DAGLA: variants seen among roughly 807,000 people sequenced by gnomAD.
DAGLA encodes the protein diacylglycerol lipase alpha, also known as diacylglycerol lipase-alpha.
DAGLA carries 22 observed loss-of-function variants against 102.6 expected under a neutral mutation model. The observed-to-expected ratio is 0.21, with a 90% CI of 0.15 to 0.31. DAGLA has a LOEUF of 0.31. Among genes scored for constraint, DAGLA ranks in the 10% least tolerant of loss-of-function variants. The probability of loss-of-function intolerance (pLI) is 1.00; values close to 1 mark genes in which losing one functional copy is unlikely to be tolerated. For synonymous variants in DAGLA, 578 were observed against 628.9 expected (o/e 0.92, Z 1.21); for missense variants, 927 against 1,446.6 (o/e 0.64, Z 5.83).
intron 5 of DAGLA, 31 bp downstream of exon 5, chr11:61,723,603 G>C (rs2065302356): frequency 6.2e-7 from 1 of 1,604,888 alleles, no homozygotes; most frequent in Non-Finnish European, 8.5e-7. Context: ...GGCAGTCCCA[G>C]GGTGGGCTTT....
At chr11:61,723,299 G>A in intron 4 of DAGLA, 135 bp from the exon 5 acceptor site, 1 of 1,269,272 alleles carries the variant, frequency 7.9e-7, no homozygotes, top group South Asian at 1.4e-5. Context: ...ACTGGGACCA[G>A]GGGCTTTGGA....
At position 61,722,936 on chromosome 11, in the gene DAGLA, C is replaced by A; in HGVS notation, c.385C>A (p.Leu129Ile). 1 of 1,614,088 alleles carries A rather than the reference C, an allele frequency of 6.2e-7. No individual in the cohort carries two copies. The highest frequency in any genetic ancestry group is 1.3e-5 in the African/African-American group (1 of 75,050). Residue 129 changes from leucine to isoleucine, a missense_variant, in exon 4 of 20, where the codon CTC (leucine) becomes ATC (isoleucine). Physicochemically the swap from Leu to Ile is conservative, Grantham distance 5. Transcript: ENST00000257215. ...LTQYYTSCND[L>I]TAKNVTLGMV... ...TCAGTACTACACCTCCTGCAACGAC[C>A]TCACTGCCAAGAATGTCACCCTCGG...
intron 1 of DAGLA, among the ~76,000 whole-genome samples, chr11:61,706,777 G>A (rs2065153913): frequency 6.6e-6 from 1 of 152,114 alleles, no homozygotes; most frequent in Non-Finnish European, 1.5e-5. Flanking sequence ...GACTGGGCCT[G>A]CTGAGGAAGC....
intron 1 of DAGLA, among the ~76,000 whole-genome samples, chr11:61,704,549 T>C (rs2065134653): frequency 6.6e-6 from 1 of 152,190 alleles, no homozygotes; most frequent in African/African-American, 2.4e-5. Flanking sequence ...GAAAGAGGAA[T>C]TCTAGTTTCT....
chr11:61,694,397 C>T (rs1016863489), intron 1 of DAGLA, among the ~76,000 whole-genome samples: 1 of 152,228 alleles, frequency 6.6e-6, no homozygotes, highest in African/African-American at 2.4e-5. Flanking sequence ...CCACTGCTGT[C>T]CCCACAGCCA....
intron 1 of DAGLA, among the ~76,000 whole-genome samples, chr11:61,697,557 C>A (rs1364783393): frequency 1.3e-5 from 2 of 152,202 alleles, no homozygotes; most frequent in African/African-American, 4.8e-5. Flanking sequence ...CTGCTGCTGA[C>A]CTCGATGTGG....
chr11:61,703,157 C>T (rs565848271), intron 1 of DAGLA, among the ~76,000 whole-genome samples: 47 of 152,278 alleles, frequency 3.1e-4, no homozygotes, highest in African/African-American at 1.1e-3. Context: ...GCAGCAGGGA[C>T]GTGGTGAGCT....
Position 61,739,569 on chromosome 11 carries a change from C to G in DAGLA, c.1761C>G (p.Ser587Arg), listed in dbSNP as rs749293742. The part of the protein sequence containing the change: ...LASTRLWTHP[S>R]DLTIALSAST... ...GCACGCGGCTCTGGACCCACCCCAG[C>G]GACCTAACTATAGCCCTCTCAGCCA... The change falls in exon 17 of 20, where the codon AGC (serine) becomes AGG (arginine). Residue 587 changes from serine (S) to arginine (R), a missense_variant. By Grantham distance (110) the Ser-to-Arg change is moderately radical (BLOSUM62 -1). Coordinates refer to ENST00000257215, the MANE Select transcript of DAGLA (RefSeq NM_006133.3). 1 of 1,613,912 alleles carries G rather than the reference C, an allele frequency of 6.2e-7. No homozygotes were observed. Among genetic ancestry groups the G allele is most frequent in the African/African-American group, 1.3e-5 (1 of 74,890 alleles).
Position 61,687,225 on chromosome 11 carries a change from C to T in DAGLA, c.-45+6721C>T, listed in dbSNP as rs1186856739. On this transcript the variant is annotated intron_variant, in intron 1 of 19. Coordinates refer to ENST00000257215, the MANE Select transcript of DAGLA (RefSeq NM_006133.3). ...GAGAGGCAGGGAGCCAGGGTTTGAACCCAGGATGGGTTCTTTTTGGTGTCC... is the reference window on the plus strand; with the variant it reads ...GAGAGGCAGGGAGCCAGGGTTTGAATCCAGGATGGGTTCTTTTTGGTGTCC... Among the ~76,000 whole-genome samples, 6 of 152,120 alleles carry T rather than the reference C, an allele frequency of 3.9e-5. No homozygotes were observed. The East Asian group carries it at 1.2e-3, about 29-fold the overall frequency.
chr11:61,728,907 C>G, intron 7 of DAGLA, 24 bp from the exon 8 acceptor site: 1 of 1,610,948 alleles, frequency 6.2e-7, no homozygotes, highest in Non-Finnish European at 8.5e-7. Flanking sequence ...AGTGATTGTC[C>G]TTCTTCACCT....
At chr11:61,730,754 G>T (rs1034729762) in intron 8 of DAGLA, among the ~76,000 whole-genome samples, 3 of 152,188 alleles carry the variant, frequency 2.0e-5, no homozygotes, top group Admixed American at 6.5e-5. Flanking sequence ...CCTGCCCGGA[G>T]CCCTGGGAGC....
At chr11:61,737,830 C>T in intron 15 of DAGLA, 75 bp downstream of exon 15, 9 of 1,254,554 alleles carry the variant, frequency 7.2e-6, no homozygotes, top group Middle Eastern at 1.9e-4. Context: ...CCACCCCCAG[C>T]CCCCGCATCT....
chr11:61,719,175 G>A (rs1484153235), intron 1 of DAGLA, among the ~76,000 whole-genome samples: 1 of 152,210 alleles, frequency 6.6e-6, no homozygotes, highest in Non-Finnish European at 1.5e-5. Flanking sequence ...TCTTTGGGAT[G>A]CTAAGGAGTG....
Position 61,724,842 on chromosome 11 carries a change from C to T in DAGLA, c.549-1153C>T, listed in dbSNP as rs377512606. Among the ~76,000 whole-genome samples the T allele has an allele frequency of 1.8e-3, 276 of 152,292 alleles. 8 individuals carry two copies. The South Asian group carries it at 0.031, about 17-fold the overall frequency. ...AGGTGGGACATTGGTTTAGGATGTA[C>T]AGCTGTCCAAGTCCCTAAGAGCCAG... On this transcript the variant is annotated intron_variant, in intron 5 of 19. Coordinates refer to ENST00000257215, the MANE Select transcript of DAGLA (RefSeq NM_006133.3).
At chr11:61,721,039 C>T (rs1442854048) in intron 3 of DAGLA, 149 bp downstream of exon 3, 2 of 753,844 alleles carry the variant, frequency 2.7e-6, no homozygotes, top group Non-Finnish European at 4.3e-6. Context: ...AGCTTACATT[C>T]TAGACTAGGG....
At position 61,728,154 on chromosome 11, in the gene DAGLA, A is replaced by T. The variant is rs774285939; in HGVS notation, c.638A>T (p.Asp213Val). 6.2e-7 allele frequency: 1 copy of T among 1,613,956 alleles called. No homozygotes were observed. Residue 213 changes from aspartate (D) to valine (V), a missense_variant and splice_region_variant, in exon 7 of 20, where the codon GAT becomes GTT. Asp to Val is a radical substitution (Grantham distance 152). This residue lies in a region of DAGLA where 231 missense variants were observed against 439.8 expected (regional missense o/e 0.53). Coordinates refer to ENST00000257215, the MANE Select transcript of DAGLA (RefSeq NM_006133.3). ...CTCCTGCCTTCCTGGACCTCGTAGG[A>T]TGCCTACTCAGAAATCGCCTACCTC... ...CCTRTKDSQS[D>V]AYSEIAYLFA...
In DAGLA at chr11:61,744,338, C is replaced by T. The variant is rs1266611900; in HGVS notation, c.2978C>T (p.Pro993Leu). The T allele has an allele frequency of 4.3e-6, 7 of 1,612,670 alleles. No homozygotes were observed. The highest frequency in any genetic ancestry group is 2.7e-5 in the African/African-American group (2 of 75,052). Residue 993 changes from proline (P) to leucine (L), a missense_variant, in exon 20 of 20, where the codon CCG (proline) becomes CTG (leucine). Pro to Leu is a moderately conservative substitution (Grantham distance 98). Transcript: ENST00000257215. ...GGCATCTCACTCTCGCCCTCCTTCC[C>T]GCTCAGCTCCTCGGGTGAGCTCATG... is the stretch of plus-strand genomic sequence containing the variant. ...SSGISLSPSF[P>L]LSSSGELMDL...
At chr11:61,729,281 C>T (rs747988665) in intron 8 of DAGLA, among the ~76,000 whole-genome samples, 7 of 152,248 alleles carry the variant, frequency 4.6e-5, no homozygotes, top group Non-Finnish European at 8.8e-5. Flanking sequence ...GAGCACTTTA[C>T]CAGGGTGAGC....
chr11:61,707,045 C>T (rs973902710), intron 1 of DAGLA, among the ~76,000 whole-genome samples: 2 of 152,200 alleles, frequency 1.3e-5, no homozygotes, highest in Non-Finnish European at 2.9e-5. Context: ...GCCTTTTCCC[C>T]ACTGCGGATA....
Sources: gnomAD v4.1 joint callset for allele counts (sites outside exome capture counted in the v4.1 genomes callset) on GRCh38, gnomAD v4.1.1 for gene constraint, gnomAD v4.1.1 regional missense constraint, MANE v1.5 for transcripts, NCBI Gene and HGNC (gene_info 2026-07-23, HGNC 2026-07-21) for gene names.